TMIGD2: variants seen among roughly 807,000 people sequenced by gnomAD.
TMIGD2 encodes the protein transmembrane and immunoglobulin domain containing 2.
TMIGD2 carries 18 observed loss-of-function variants against 22.6 expected under a neutral mutation model. The observed-to-expected ratio is 0.80, with a 90% CI of 0.55 to 1.18. TMIGD2 has a LOEUF of 1.18. TMIGD2 is among the 50% of genes most tolerant of loss of function. The pLI is 0.00. For synonymous variants in TMIGD2, 184 were observed against 154.1 expected (o/e 1.19, Z -1.44); for missense variants, 361 against 378.2 (o/e 0.95, Z 0.38).
intron 1 of TMIGD2, among the ~76,000 whole-genome samples, chr19:4,299,881 A>G (rs1042266214): frequency 3.3e-5 from 5 of 149,632 alleles, no homozygotes; most frequent in African/African-American, 1.2e-4. Context: ...GCGAGACTCC[A>G]TAGCAAAGAA....
At chr19:4,294,941 C>T (rs1406699461) in intron 2 of TMIGD2, 125 bp from the exon 3 acceptor site, 8 of 925,160 alleles carry the variant, frequency 8.6e-6, no homozygotes, top group Non-Finnish European at 1.1e-5. Flanking sequence ...CAAGTGTTCA[C>T]TCTGAACCTC....
rs145997620 is a variant in TMIGD2, at chr19:4,301,125, A to G, written c.46+1215T>C. ...GTAGCTGGGACTACAGGCACTCGCT[A>G]CCACGCCCAGCTAATTTTTGTATTT... On this transcript the variant is annotated intron_variant, in intron 1 of 4. Transcript: ENST00000301272. 7.2e-4 allele frequency among the ~76,000 whole-genome samples: 109 copies of G among 152,178 alleles called. 1 individual carries two copies. The East Asian group carries it at 0.019, about 27-fold the overall frequency.
Position 4,294,762 on chromosome 19 carries a change from G to C in TMIGD2, c.448+13C>G. 1 of 1,587,048 alleles carries C rather than the reference G, an allele frequency of 6.3e-7. No individual in the cohort carries two copies. Among genetic ancestry groups the C allele is most frequent in the Non-Finnish European group, 8.6e-7 (1 of 1,167,384 alleles). Reference sequence around the variant, plus strand: ...TGGAAGACGCTGGGGGAGGAACACAGGGCAGGGCTCACCTGGGAAGCTTGC... The same window carrying C: ...TGGAAGACGCTGGGGGAGGAACACACGGCAGGGCTCACCTGGGAAGCTTGC... On this transcript the variant is annotated intron_variant, in intron 3 of 4. Coordinates refer to ENST00000301272, the Ensembl canonical transcript of TMIGD2.
At chr19:4,292,232 T>C in exon 5 of TMIGD2, 1 of 279,592 alleles carries the variant, frequency 3.6e-6, no homozygotes. Context: ...CCAGCTTTGC[T>C]TTTTCTTCAC....
chr19:4,292,802 G>T (rs1251471305), exon 5 of TMIGD2: 1 of 1,613,340 alleles, frequency 6.2e-7, no homozygotes, highest in African/African-American at 1.3e-5. Flanking sequence ...TGGCCCCTCT[G>T]GTCCTTCCCC....
Position 4,292,717 on chromosome 19 carries a change from G to T in TMIGD2, c.731C>A (p.Pro244Gln), listed in dbSNP as rs769444252. 4.4e-6 allele frequency: 7 copies of T among 1,607,010 alleles called. No individual in the cohort carries two copies. In the African/African-American group the frequency reaches 8.1e-5, roughly 19 times the overall value. The stretch of plus-strand genomic sequence containing the variant: ...GGGCCTGGGGCTGGGGCAGGGTCTC[G>T]GGCTGGGGCAGGGTCTTGACGCCAG... Residue 244 changes from proline (P) to glutamine (Q), a missense_variant, in exon 5 of 5, where the codon CCG (proline) becomes CAG (glutamine). Transcript: ENST00000301272.
intron 4 of TMIGD2, among the ~76,000 whole-genome samples, chr19:4,294,131 G>A (rs547099260): frequency 4.2e-5 from 6 of 144,236 alleles, no homozygotes; most frequent in Admixed American, 1.4e-4. Context: ...TCAGTGGCGC[G>A]ATCTTGGCTC....
chr19:4,302,355 G>A (rs756479669), exon 1 of TMIGD2: 2 of 1,574,708 alleles, frequency 1.3e-6, no homozygotes, highest in East Asian at 4.7e-5. Flanking sequence ...ATCTGCACCA[G>A]GAGGCCCAGC....
At chr19:4,298,422 C>G (rs1568374572) in intron 1 of TMIGD2, 77 bp from the exon 2 acceptor site, 1 of 1,474,168 alleles carries the variant, frequency 6.8e-7, no homozygotes, top group Non-Finnish European at 8.9e-7. Context: ...CCCTAGTGAG[C>G]CCGCAGTCTG....
intron 2 of TMIGD2, among the ~76,000 whole-genome samples, chr19:4,296,751 A>G (rs1599524264): frequency 6.6e-6 from 1 of 152,190 alleles, no homozygotes; most frequent in Non-Finnish European, 1.5e-5. Context: ...CTGGAGAGGA[A>G]CAGGCATCTC....
rs371851786 is a variant in TMIGD2 at position 4,292,702 on chromosome 19, C to T, written c.746G>A (p.Ser249Asn). ...AGAGACGGGGTGGCCGGGCCTGGGGCTGGGGCAGGGTCTCGGGCTGGGGCA... is the reference window on the plus strand; with the variant it reads ...AGAGACGGGGTGGCCGGGCCTGGGGTTGGGGCAGGGTCTCGGGCTGGGGCA... The change falls in exon 5 of 5, where the codon AGC (serine) becomes AAC (asparagine). Residue 249 changes from serine to asparagine, a missense_variant. Coordinates refer to ENST00000301272, the Ensembl canonical transcript of TMIGD2. 6.2e-6 allele frequency: 10 copies of T among 1,603,628 alleles called. No homozygotes were observed. In the African/African-American group the frequency reaches 1.2e-4, roughly 19 times the overall value.
chr19:4,293,460 CCA>C (rs532376860), intron 4 of TMIGD2, among the ~76,000 whole-genome samples: 1 of 149,002 alleles, frequency 6.7e-6, no homozygotes. Flanking sequence ...TGGGGTTTCA[CCA>C]CGTTGGCCAG....
Position 4,297,858 on chromosome 19 carries a change from T to TAAAAAA in TMIGD2, c.406+122_406+127dup, listed in dbSNP as rs11303106. The TAAAAAA allele has an allele frequency of 7.6e-6, 8 of 1,052,530 alleles. No homozygotes were observed. In the African/African-American group the frequency reaches 1.4e-4, roughly 19 times the overall value. 65.2% of individuals were successfully genotyped at this position (1,052,530 alleles called of 1,614,324 possible). On this transcript the variant is annotated intron_variant, in intron 2 of 4. Transcript: ENST00000301272. ...GACGACAGAGCAAGACTCTGTCTCT[T>TAAAAAA]AAAAAAAAAAAAAAAAGTTTGATAT...
intron 1 of TMIGD2, among the ~76,000 whole-genome samples, chr19:4,299,746 T>C (rs978536971): frequency 6.6e-6 from 1 of 150,778 alleles, no homozygotes; most frequent in Non-Finnish European, 1.5e-5. Context: ...AATTAGCCAG[T>C]GTGGTGGCGG....
chr19:4,293,858 T>C (rs1455214731), intron 4 of TMIGD2, among the ~76,000 whole-genome samples: 1 of 151,800 alleles, frequency 6.6e-6, no homozygotes, highest in East Asian at 1.9e-4. Context: ...GCCTCCTGGG[T>C]TCCAGTGATT....
At chr19:4,292,841 G>A (rs746471457) in exon 5 of TMIGD2, 2 of 1,613,876 alleles carry the variant, frequency 1.2e-6, no homozygotes, top group South Asian at 2.2e-5. Flanking sequence ...CTCTTCTTTG[G>A]GGCCCCCCGG....
chr19:4,294,710 C>CA, intron 3 of TMIGD2, 30 bp from the exon 4 acceptor site: 2 of 1,573,176 alleles, frequency 1.3e-6, no homozygotes, highest in Non-Finnish European at 1.7e-6. Flanking sequence ...ATGGTCTAAT[C>CA]AGGAGGGGAA....
exon 5 of TMIGD2, chr19:4,292,703 T>G (rs758518465): frequency 6.2e-7 from 1 of 1,603,584 alleles, no homozygotes; most frequent in Non-Finnish European, 8.5e-7. Flanking sequence ...GGCCTGGGGC[T>G]GGGGCAGGGT....
chr19:4,298,963 A>G (rs1272454304), intron 1 of TMIGD2, among the ~76,000 whole-genome samples: 1 of 152,130 alleles, frequency 6.6e-6, no homozygotes, highest in Non-Finnish European at 1.5e-5. Context: ...TGACCAAAAC[A>G]GATGAAAATC....
Sources: gnomAD v4.1 joint callset for allele counts (sites outside exome capture counted in the v4.1 genomes callset) on GRCh38, gnomAD v4.1.1 for gene constraint, MANE v1.5 for transcripts, NCBI Gene and HGNC (gene_info 2026-07-23, HGNC 2026-07-21) for gene names.